The following CUX2 variants were observed in gnomAD, a reference collection of about 807,000 sequenced individuals.
The protein encoded by CUX2 is cut like homeobox 2.
CUX2 carries 40 observed loss-of-function variants against 144.8 expected under a neutral mutation model. The ratio of observed to expected loss-of-function variants is 0.28; its 90% CI spans 0.21 to 0.36. The LOEUF (loss-of-function observed/expected upper bound fraction) is 0.36, where lower values mean the gene tolerates loss of function less well. CUX2 is among the 10% of genes least tolerant of loss of function. CUX2 has a pLI of 1.00. For synonymous variants in CUX2, 827 were observed against 875.6 expected (o/e 0.94, Z 0.98); for missense variants, 1,615 against 1,994.0 (o/e 0.81, Z 3.62).
rs1324242659 is a variant in CUX2 at position 111,325,009 on chromosome 12, G to T, written c.2926+2429G>T. 2.6e-5 allele frequency among the ~76,000 whole-genome samples: 4 copies of T among 151,342 alleles called. No individual in the cohort carries two copies. The East Asian group carries it at 7.8e-4, about 29-fold the overall frequency. On this transcript the variant is annotated intron_variant, in intron 18 of 21. Transcript: ENST00000261726. The stretch of plus-strand genomic sequence containing the variant: ...GGATTAAAAGCAGCCATGCTGGCCG[G>T]GTGGGGTGCCTCATGCCTGTAATCC...
At chr12:111,247,822 T>C (rs1883351265) in intron 3 of CUX2, among the ~76,000 whole-genome samples, 1 of 152,186 alleles carries the variant, frequency 6.6e-6, no homozygotes, top group African/African-American at 2.4e-5. Flanking sequence ...CTCACAACCC[T>C]TTGGCCAGAA....
At chr12:111,290,455 C>G (rs562631899) in intron 4 of CUX2, among the ~76,000 whole-genome samples, 1 of 152,106 alleles carries the variant, frequency 6.6e-6, no homozygotes, top group East Asian at 1.9e-4. Context: ...TGAGATGGAG[C>G]CTTACTCTGT....
chr12:111,105,340 G>T (rs1873530801), intron 1 of CUX2, among the ~76,000 whole-genome samples: 1 of 152,244 alleles, frequency 6.6e-6, no homozygotes, highest in Admixed American at 6.5e-5. Flanking sequence ...GCCCGATGCT[G>T]GTTGATTTGA....
At chr12:111,105,054 C>T (rs557018671) in intron 1 of CUX2, among the ~76,000 whole-genome samples, 1 of 152,148 alleles carries the variant, frequency 6.6e-6, no homozygotes, top group Non-Finnish European at 1.5e-5. Flanking sequence ...TCTAAGGAGC[C>T]GTCCTTGGCT....
In CUX2 at chr12:111,138,077, C is replaced by G. The variant is rs78126512; in HGVS notation, c.64-76123C>G. ...AGGTGGGGTCTCCAGCTGTAGGAAC[C>G]CCTACTCCCATCCCCTTTACCCCTC... is the stretch of plus-strand genomic sequence containing the variant. On this transcript the variant is annotated intron_variant, in intron 1 of 21. Coordinates refer to ENST00000261726, the MANE Select transcript of CUX2 (RefSeq NM_015267.4). Among the ~76,000 whole-genome samples, 17 of 152,306 alleles carry G rather than the reference C, an allele frequency of 1.1e-4. No individual in the cohort carries two copies. In the East Asian group the frequency reaches 2.9e-3, roughly 26 times the overall value.
At chr12:111,114,374 T>G (rs929308887) in intron 1 of CUX2, among the ~76,000 whole-genome samples, 1 of 152,250 alleles carries the variant, frequency 6.6e-6, no homozygotes, top group Admixed American at 6.5e-5. Flanking sequence ...CATTGCTTAT[T>G]TGCTGTCCGC....
At position 111,333,316 on chromosome 12, in the gene CUX2, C is replaced by T. The variant is rs142293781; in HGVS notation, c.2927-1125C>T. Among the ~76,000 whole-genome samples the T allele has an allele frequency of 1.1e-3, 162 of 151,990 alleles. 2 individuals are homozygous for T. Among genetic ancestry groups the T allele is most frequent in the African/African-American group, 3.7e-3 (155 of 41,454 alleles). On this transcript the variant is annotated intron_variant, in intron 18 of 21. Coordinates refer to ENST00000261726, the MANE Select transcript of CUX2 (RefSeq NM_015267.4). ...GAAGGATCACTTGAGCCCAGGAGGT[C>T]GAGGTTGCAGTGAGTTATCACCAAG...
chr12:111,141,124 G>C (rs904007121), intron 1 of CUX2, among the ~76,000 whole-genome samples: 29 of 152,224 alleles, frequency 1.9e-4, no homozygotes, highest in African/African-American at 6.5e-4. Context: ...CCAATGCAGT[G>C]CCGGAAAAAT....
chr12:111,214,571 A>G lies in CUX2; in HGVS notation c.174+261A>G, dbSNP rs574760755. 1.3e-4 allele frequency among the ~76,000 whole-genome samples: 20 copies of G among 152,246 alleles called. No homozygotes were observed. In the South Asian group the frequency reaches 3.7e-3, roughly 28 times the overall value. ...GCTGTGAAACATCCATTTTCCCCCAACATTCATATCCAAGTCAGATGCCTG... is the reference window on the plus strand; with the variant it reads ...GCTGTGAAACATCCATTTTCCCCCAGCATTCATATCCAAGTCAGATGCCTG... On this transcript the variant is annotated intron_variant, in intron 2 of 21. Transcript: ENST00000261726.
At chr12:111,266,672 G>A (rs1884407123) in intron 4 of CUX2, among the ~76,000 whole-genome samples, 1 of 152,162 alleles carries the variant, frequency 6.6e-6, no homozygotes, top group Admixed American at 6.5e-5. Flanking sequence ...GTGTCTTGAT[G>A]TTGGACTTAT....
chr12:111,253,513 C>A (rs925220393), intron 3 of CUX2, among the ~76,000 whole-genome samples: 8 of 152,194 alleles, frequency 5.3e-5, no homozygotes, highest in African/African-American at 1.9e-4. Flanking sequence ...GGACTCCTGT[C>A]ACCTCCCTAC....
At chr12:111,131,382 T>C (rs1156455703) in intron 1 of CUX2, among the ~76,000 whole-genome samples, 1 of 152,152 alleles carries the variant, frequency 6.6e-6, no homozygotes, top group Non-Finnish European at 1.5e-5. Flanking sequence ...CAAGTGGAGA[T>C]TTGGGTTGGG....
At chr12:111,204,311 G>A (rs1203241153) in intron 1 of CUX2, among the ~76,000 whole-genome samples, 1 of 152,246 alleles carries the variant, frequency 6.6e-6, no homozygotes, top group Admixed American at 6.5e-5. Flanking sequence ...AGGTGGGCCT[G>A]ATGTCCCACA....
intron 3 of CUX2, among the ~76,000 whole-genome samples, chr12:111,238,110 C>T (rs893898528): frequency 6.6e-6 from 1 of 152,206 alleles, no homozygotes; most frequent in Non-Finnish European, 1.5e-5. Flanking sequence ...AGTGTCACTG[C>T]CTTGGGAAGG....
At position 111,293,347 on chromosome 12, in the gene CUX2, T is replaced by TCAA; in HGVS notation, c.437-99_437-98insCAA. ...CTCTCCAAGGCCCAAGTTTGGGAAATTGATCACAATCAATGATCGATCCGG... is the reference window on the plus strand; with the variant it reads ...CTCTCCAAGGCCCAAGTTTGGGAAATCAATGATCACAATCAATGATCGATCCGG... On this transcript the variant is annotated intron_variant, in intron 5 of 21. Coordinates refer to ENST00000261726, the MANE Select transcript of CUX2 (RefSeq NM_015267.4). The surrounding 1 kb of genome is among the most constrained non-coding windows in gnomAD (Gnocchi z 4.5). 5 of 1,466,586 alleles carry TCAA rather than the reference T, an allele frequency of 3.4e-6. No individual in the cohort carries two copies. Among genetic ancestry groups the TCAA allele is most frequent in the Non-Finnish European group, 4.5e-6 (5 of 1,104,572 alleles). The allele number at this position is 1,466,586 out of a possible 1,614,324, so 90.8% of individuals were successfully genotyped here. A position where few individuals can be genotyped will look rare whatever the true frequency, so the allele number is the denominator to read the frequency against.
chr12:111,101,801 T>G (rs1453622042), intron 1 of CUX2, among the ~76,000 whole-genome samples: 2 of 152,160 alleles, frequency 1.3e-5, no homozygotes, highest in African/African-American at 4.8e-5. Context: ...CAGACTTCCG[T>G]GGGCCAGATT....
At chr12:111,151,298 G>C (rs1877037875) in intron 1 of CUX2, among the ~76,000 whole-genome samples, 1 of 152,170 alleles carries the variant, frequency 6.6e-6, no homozygotes, top group Non-Finnish European at 1.5e-5. Context: ...ATCAGTAGAT[G>C]GTTTACCATT....
chr12:111,159,220 C>T (rs78657812), intron 1 of CUX2, among the ~76,000 whole-genome samples: 2,026 of 152,232 alleles, frequency 0.013, 19 homozygotes, highest in Non-Finnish European at 0.019. Flanking sequence ...GATCGTAGCT[C>T]GCTGCAACCC....
chr12:111,324,798 C>A (rs137861632), intron 18 of CUX2, among the ~76,000 whole-genome samples: 161 of 152,218 alleles, frequency 1.1e-3, no homozygotes, highest in Non-Finnish European at 1.3e-3. Flanking sequence ...CAGCACCTGG[C>A]CCTTTCCTGT....
Sources: gnomAD v4.1 joint callset for allele counts (sites outside exome capture counted in the v4.1 genomes callset) on GRCh38, gnomAD v4.1.1 for gene constraint, Gnocchi (gnomAD v3.1) non-coding constraint, MANE v1.5 for transcripts, NCBI Gene and HGNC (gene_info 2026-07-23, HGNC 2026-07-21) for gene names.